RPS6KC1: variants seen among roughly 807,000 people sequenced by gnomAD.
The protein encoded by RPS6KC1 is inactive ribosomal protein S6 kinase delta-1.
Under a neutral mutation model 103.8 loss-of-function variants are expected in RPS6KC1, and 54 were observed. The ratio of observed to expected loss-of-function variants is 0.52; its 90% confidence interval spans 0.42 to 0.65. RPS6KC1 has a LOEUF of 0.65. RPS6KC1 is among the 30% of genes least tolerant of loss of function. The pLI is 0.00. For synonymous variants in RPS6KC1, 439 were observed against 438.7 expected, an observed-to-expected ratio of 1.00 and a Z score of -0.01; for missense variants, 1,151 against 1,253.8, an observed-to-expected ratio of 0.92 and a Z score of 1.24.
the RPS6KC1 span, among the ~76,000 whole-genome samples, chr1:213,858,830 A>C: frequency 1.3e-5 from 2 of 152,222 alleles, no homozygotes; most frequent in Non-Finnish European, 2.9e-5. Flanking sequence ...TGCCCCCTAC[A>C]GGAGGCTCAC....
At chr1:213,279,588 A>G (rs974122567), downstream of RPS6KC1, among the ~76,000 whole-genome samples, 1 of 151,998 alleles carries the variant, frequency 6.6e-6, no homozygotes, top group Non-Finnish European at 1.5e-5. Context: ...TTTGCTTTCT[A>G]TTTGGATAGT....
the RPS6KC1 span, among the ~76,000 whole-genome samples, chr1:213,620,485 C>T: frequency 6.6e-6 from 1 of 152,222 alleles, no homozygotes; most frequent in Non-Finnish European, 1.5e-5. Flanking sequence ...ATAGAAACTT[C>T]TAGTTCTCTT....
chr1:213,375,054 TACACACATAC>T, the RPS6KC1 span, among the ~76,000 whole-genome samples: 25 of 151,070 alleles, frequency 1.7e-4, no homozygotes, highest in South Asian at 4.6e-3. Context: ...CATACACACG[TACACACATAC>T]ACACACATAC....
chr1:213,507,289 G>C, the RPS6KC1 span, among the ~76,000 whole-genome samples: 1 of 152,122 alleles, frequency 6.6e-6, no homozygotes, highest in East Asian at 1.9e-4. Flanking sequence ...AACCTGCCTG[G>C]CTCTGGCACT....
chr1:213,652,163 A>C, the RPS6KC1 span, among the ~76,000 whole-genome samples: 1 of 152,174 alleles, frequency 6.6e-6, no homozygotes, highest in African/African-American at 2.4e-5. Flanking sequence ...TGTCTTTTCG[A>C]TAGACTGGAT....
the RPS6KC1 span, among the ~76,000 whole-genome samples, chr1:213,468,158 G>A: frequency 2.6e-5 from 4 of 152,198 alleles, no homozygotes; most frequent in Non-Finnish European, 5.9e-5. Context: ...TGTGTTTGAT[G>A]TATAAAGTTA....
At chr1:213,700,349 G>T in the RPS6KC1 span, among the ~76,000 whole-genome samples, 1 of 151,920 alleles carries the variant, frequency 6.6e-6, no homozygotes, top group South Asian at 2.1e-4. Flanking sequence ...TGTTGAAAAT[G>T]AGTTTATGTG....
At chr1:213,655,838 A>G in the RPS6KC1 span, among the ~76,000 whole-genome samples, 2 of 152,212 alleles carry the variant, frequency 1.3e-5, no homozygotes, top group African/African-American at 4.8e-5. Flanking sequence ...TGCTCCCCCC[A>G]GGATGAATAT....
chr1:213,416,111 CG>C, the RPS6KC1 span, among the ~76,000 whole-genome samples: 1 of 152,146 alleles, frequency 6.6e-6, no homozygotes, highest in African/African-American at 2.4e-5. Flanking sequence ...GTGAAAGTGC[CG>C]GGGGATCTCC....
chr1:213,470,497 G>T, the RPS6KC1 span, among the ~76,000 whole-genome samples: 1 of 151,802 alleles, frequency 6.6e-6, no homozygotes, highest in South Asian at 2.1e-4. Context: ...TATGATGTCA[G>T]TAACTATTAA....
chr1:213,842,914 G>T, the RPS6KC1 span, among the ~76,000 whole-genome samples: 1 of 152,080 alleles, frequency 6.6e-6, no homozygotes, highest in Non-Finnish European at 1.5e-5. Context: ...GATTAGTCAG[G>T]GTTCTCCAGA....
At chr1:213,118,156 A>G (rs945401901) in intron 5 of RPS6KC1, among the ~76,000 whole-genome samples, 4 of 151,422 alleles carry the variant, frequency 2.6e-5, no homozygotes, top group Admixed American at 6.6e-5. Flanking sequence ...AATGTTTTTG[A>G]TATGTTTTTA....
intron 4 of RPS6KC1, among the ~76,000 whole-genome samples, chr1:213,105,077 A>G (rs1333666398): frequency 1.3e-5 from 2 of 152,138 alleles, no homozygotes; most frequent in Admixed American, 6.5e-5. Context: ...TAAATTTGTT[A>G]TTATGTTGAC....
the RPS6KC1 span, among the ~76,000 whole-genome samples, chr1:213,462,991 C>A: frequency 6.6e-6 from 1 of 152,140 alleles, no homozygotes; most frequent in Admixed American, 6.5e-5. Context: ...TGTGTAGAGG[C>A]CTTATTCTTA....
chr1:213,052,757 A>T lies in RPS6KC1; in HGVS notation c.105+1248A>T, dbSNP rs370786323. ...GGGTTTCTGCATGTTGCTCAGGCTC[A>T]TTTCGAAGTCCTGACCTCAGTTGAT... On this transcript the variant is annotated intron_variant, in intron 1 of 14. Transcript: ENST00000366960. Among the ~76,000 whole-genome samples the T allele has an allele frequency of 2.2e-4, 33 of 152,172 alleles. No individual in the cohort carries two copies. The South Asian group carries it at 5.4e-3, about 25-fold the overall frequency.
At chr1:213,121,069 A>G (rs186520014) in intron 5 of RPS6KC1, among the ~76,000 whole-genome samples, 430 of 152,276 alleles carry the variant, frequency 2.8e-3, no homozygotes, top group Non-Finnish European at 4.4e-3. Context: ...CTGGGACTAC[A>G]GGCAGGCACA....
the RPS6KC1 span, among the ~76,000 whole-genome samples, chr1:213,636,214 G>A: frequency 6.6e-6 from 1 of 152,082 alleles, no homozygotes; most frequent in Admixed American, 6.6e-5. Context: ...CATAGATTCA[G>A]TGCCATCCCT....
chr1:213,214,328 A>G (rs1287245630), intron 8 of RPS6KC1, among the ~76,000 whole-genome samples: 1 of 152,200 alleles, frequency 6.6e-6, no homozygotes, highest in Admixed American at 6.5e-5. Context: ...GAGGCTGGGG[A>G]AGGGGTGCCC....
At chr1:213,630,228 C>T in the RPS6KC1 span, among the ~76,000 whole-genome samples, 6 of 152,298 alleles carry the variant, frequency 3.9e-5, no homozygotes, top group Middle Eastern at 3.4e-3. Context: ...ACCAATCAGA[C>T]GTAGATTTGG....
Sources: allele counts gnomAD v4.1 joint callset (sites outside exome capture counted in the v4.1 genomes callset), GRCh38; gene constraint gnomAD v4.1.1; transcripts MANE v1.5; gene names NCBI Gene and HGNC (gene_info 2026-07-23, HGNC 2026-07-21).